The following RBMS3 variants were observed in gnomAD, a reference collection of about 807,000 sequenced individuals.
RBMS3 encodes the protein RNA binding motif single stranded interacting protein 3, also known as RNA-binding motif, single-stranded-interacting protein 3.
A neutral mutation model predicts 66.8 loss-of-function variants in RBMS3; 27 were observed. The ratio of observed to expected loss-of-function variants is 0.40; its 90% CI spans 0.30 to 0.56. The LOEUF (loss-of-function observed/expected upper bound fraction) is 0.56. Ranked by LOEUF, RBMS3 falls within the 20% of genes least tolerant of loss-of-function variation. The pLI is 0.40. For synonymous variants in RBMS3, 188 were observed against 183.0 expected, an observed-to-expected ratio of 1.03 and a Z score of -0.22; for missense variants, 513 against 549.5, an observed-to-expected ratio of 0.93 and a Z score of 0.66.
chr3:29,324,008 A>T (rs2035170774), intron 1 of RBMS3, among the ~76,000 whole-genome samples: 1 of 152,166 alleles, frequency 6.6e-6, no homozygotes, highest in Non-Finnish European at 1.5e-5. Context: ...AAAAAAAAAA[A>T]AAATTCACTG....
At chr3:29,523,140 TG>T (rs1559435292) in intron 3 of RBMS3, among the ~76,000 whole-genome samples, 1 of 152,190 alleles carries the variant, frequency 6.6e-6, no homozygotes, top group Non-Finnish European at 1.5e-5. Context: ...TAGCAAAACC[TG>T]AATTCAAATC....
At chr3:29,820,181 T>A (rs1367590529) in intron 6 of RBMS3, among the ~76,000 whole-genome samples, 2 of 72,408 alleles carry the variant, frequency 2.8e-5, no homozygotes, top group Non-Finnish European at 4.9e-5. Context: ...AGAGTGAGAC[T>A]TCTTCTCAAA....
intron 6 of RBMS3, among the ~76,000 whole-genome samples, chr3:29,787,363 CA>C (rs774949323): frequency 2.0e-5 from 3 of 151,782 alleles, no homozygotes; most frequent in South Asian, 2.1e-4. Flanking sequence ...AGTCATTACA[CA>C]AAAAAAATAC....
At chr3:29,516,219 C>A (rs1466906367) in intron 3 of RBMS3, among the ~76,000 whole-genome samples, 1 of 152,114 alleles carries the variant, frequency 6.6e-6, no homozygotes, top group Non-Finnish European at 1.5e-5. Flanking sequence ...CAAGTAAGAT[C>A]AGTTTTTACC....
intron 5 of RBMS3, among the ~76,000 whole-genome samples, chr3:29,759,450 G>A (rs948665418): frequency 2.6e-5 from 4 of 152,148 alleles, no homozygotes; most frequent in Admixed American, 6.5e-5. Flanking sequence ...TCTGAGGGAC[G>A]CAAGGGGTTT....
At chr3:29,369,705 A>AG (rs71091054) in intron 1 of RBMS3, among the ~76,000 whole-genome samples, 105,341 of 151,820 alleles carry the variant, frequency 0.69, 36,736 homozygotes, top group Middle Eastern at 0.78. Context: ...TAAGGGACAA[A>AG]AAGAGACAGA....
intron 5 of RBMS3, among the ~76,000 whole-genome samples, chr3:29,755,474 A>G (rs1164215901): frequency 6.6e-6 from 1 of 152,236 alleles, no homozygotes; most frequent in African/African-American, 2.4e-5. Flanking sequence ...TCTACTGAAG[A>G]AAATTAAGGA....
intron 12 of RBMS3, among the ~76,000 whole-genome samples, chr3:29,983,238 C>A (rs894804509): frequency 4.1e-5 from 6 of 146,844 alleles, no homozygotes; most frequent in Admixed American, 3.5e-4. Flanking sequence ...ACCCCCGCCC[C>A]CTTTTTTTTT....
intron 3 of RBMS3, among the ~76,000 whole-genome samples, chr3:29,564,706 G>A (rs2046680947): frequency 6.6e-6 from 1 of 151,972 alleles, no homozygotes; most frequent in Admixed American, 6.6e-5. Flanking sequence ...AAACCAGAAG[G>A]TTTACACTAC....
intron 1 of RBMS3, among the ~76,000 whole-genome samples, chr3:29,311,767 G>T (rs188436754): frequency 6.6e-6 from 1 of 151,892 alleles, no homozygotes; most frequent in Admixed American, 6.6e-5. Flanking sequence ...AGATTAGGGG[G>T]ATTGGCCATT....
intron 6 of RBMS3, among the ~76,000 whole-genome samples, chr3:29,775,278 G>A (rs1270297643): frequency 8.3e-6 from 1 of 120,876 alleles, no homozygotes; most frequent in East Asian, 2.5e-4. Flanking sequence ...TTTTTTTTTT[G>A]GTAAACAAGC....
At position 30,010,299 on chromosome 3, in the gene RBMS3, C is replaced by T. The variant is rs1030741414; in HGVS notation, c.*6437C>T. On this transcript the variant is annotated 3_prime_UTR_variant, in exon 15 of 15. Coordinates refer to ENST00000383767, the MANE Select transcript of RBMS3 (RefSeq NM_001003793.3). ...AAATTAGCAACCATCTCCCCCATCCCTTGGGCTTTCTGTAGATCAGTGGAT... is the reference window on the plus strand; with the variant it reads ...AAATTAGCAACCATCTCCCCCATCCTTTGGGCTTTCTGTAGATCAGTGGAT... 2.6e-5 allele frequency: 4 copies of T among 152,144 alleles called. No homozygotes were observed. The highest frequency in any genetic ancestry group is 1.3e-4 in the Admixed American group (2 of 15,270). The allele number at this position is 152,144 out of a possible 1,614,324, so 9.4% of individuals were successfully genotyped here. A position where few individuals can be genotyped will look rare whatever the true frequency, so the allele number is the denominator to read the frequency against.
chr3:29,583,312 G>T (rs554338884), intron 3 of RBMS3, among the ~76,000 whole-genome samples: 1 of 152,082 alleles, frequency 6.6e-6, no homozygotes, highest in Non-Finnish European at 1.5e-5. Context: ...CTAGACTAAA[G>T]GGTGGGAGCC....
intron 4 of RBMS3, among the ~76,000 whole-genome samples, chr3:29,717,909 A>G (rs1186772046): frequency 3.9e-5 from 6 of 152,132 alleles, no homozygotes; most frequent in Non-Finnish European, 8.8e-5. Context: ...TTTCTCAGGG[A>G]AAATAATTCA....
chr3:29,953,216 G>A (rs1391212436), intron 12 of RBMS3, among the ~76,000 whole-genome samples: 1 of 151,882 alleles, frequency 6.6e-6, no homozygotes, highest in African/African-American at 2.4e-5. Flanking sequence ...GAATGATTGT[G>A]TGTCTTAAGT....
intron 6 of RBMS3, among the ~76,000 whole-genome samples, chr3:29,854,997 T>G (rs374248821): frequency 3.9e-5 from 6 of 152,344 alleles, no homozygotes; most frequent in African/African-American, 1.2e-4. Context: ...AATTTTTGCA[T>G]GTGCCTCAAT....
chr3:29,969,974 A>C (rs1697118663), intron 12 of RBMS3, among the ~76,000 whole-genome samples: 1 of 152,192 alleles, frequency 6.6e-6, no homozygotes, highest in Non-Finnish European at 1.5e-5. Flanking sequence ...TTGAGACAAG[A>C]CTTAAGAGTA....
chr3:29,483,572 T>G (rs1347647174), intron 2 of RBMS3, among the ~76,000 whole-genome samples: 1 of 152,164 alleles, frequency 6.6e-6, no homozygotes, highest in Admixed American at 6.5e-5. Context: ...GAGGTTCTGC[T>G]GCCCGTTAAA....
intron 10 of RBMS3, among the ~76,000 whole-genome samples, chr3:29,928,205 T>TACACACACAC (rs1348801229): frequency 5.9e-4 from 66 of 112,414 alleles, no homozygotes; most frequent in Middle Eastern, 9.3e-3. Flanking sequence ...TATATATATA[T>TACACACACAC]ATATATACAC....
Sources: gnomAD v4.1 joint callset for allele counts (sites outside exome capture counted in the v4.1 genomes callset) on GRCh38, gnomAD v4.1.1 for gene constraint, MANE v1.5 for transcripts, NCBI Gene and HGNC (gene_info 2026-07-23, HGNC 2026-07-21) for gene names.